Variants in CLASP2 observed in about 807,000 individuals in gnomAD.
CLASP2 encodes cytoplasmic linker associated protein 2.
Under a neutral mutation model 194.4 loss-of-function variants are expected in CLASP2, and 47 were observed. The observed-to-expected ratio is 0.24, with a 90% CI of 0.19 to 0.31. CLASP2 has a LOEUF of 0.31. Ranked by LOEUF, CLASP2 falls within the 10% of genes least tolerant of loss-of-function variation. The pLI, the probability that CLASP2 is intolerant of heterozygous loss-of-function variation, is 1.00. For synonymous variants in CLASP2, 619 were observed against 633.5 expected (o/e 0.98, Z 0.34); for missense variants, 1,445 against 1,823.6 (o/e 0.79, Z 3.78).
chr3:33,516,777 C>A (rs1398616821), intron 35 of CLASP2, among the ~76,000 whole-genome samples: 3 of 152,258 alleles, frequency 2.0e-5, no homozygotes, highest in Non-Finnish European at 4.4e-5. Flanking sequence ...CAGCCTGCGA[C>A]CTTTCATTTT....
chr3:33,602,328 A>C lies in CLASP2; in HGVS notation c.1924+624T>G, dbSNP rs184125633. ...AAAGTTTCAGATTTTGGAGCATTTC[A>C]GATTTCAGATTTTTAGATTAGGTAT... On this transcript the variant is annotated intron_variant, in intron 18 of 38. Coordinates refer to ENST00000682230, the MANE Select transcript of CLASP2 (RefSeq NM_001365631.1). The C allele has an allele frequency of 6.3e-4, 341 of 539,830 alleles. 4 individuals are homozygous for C. The highest frequency in any genetic ancestry group is 5.9e-3 in the African/African-American group (312 of 52,592). 33.4% of individuals were successfully genotyped at this position (539,830 alleles called of 1,614,324 possible). A position where few individuals can be genotyped will look rare whatever the true frequency, so the allele number is the denominator to read the frequency against.
At chr3:33,540,173 G>C (rs994596278) in intron 32 of CLASP2, among the ~76,000 whole-genome samples, 14 of 150,292 alleles carry the variant, frequency 9.3e-5, no homozygotes, top group Non-Finnish European at 1.6e-4. Context: ...CAGGTGATCT[G>C]CCCACCTTGG....
At chr3:33,577,947 G>A (rs994745447) in intron 23 of CLASP2, among the ~76,000 whole-genome samples, 5 of 152,156 alleles carry the variant, frequency 3.3e-5, no homozygotes, top group East Asian at 1.9e-4. Context: ...CCCAAACCAT[G>A]CCGAATAAAC....
intron 26 of CLASP2, among the ~76,000 whole-genome samples, chr3:33,566,977 G>C (rs1470782061): frequency 6.6e-6 from 1 of 152,108 alleles, no homozygotes; most frequent in Non-Finnish European, 1.5e-5. Context: ...TCTTTGCCAG[G>C]AAAATTAAGA....
At chr3:33,580,718 T>TA (rs1488105722) in intron 23 of CLASP2, among the ~76,000 whole-genome samples, 1 of 151,040 alleles carries the variant, frequency 6.6e-6, no homozygotes, top group African/African-American at 2.4e-5. Flanking sequence ...TACACTGTGT[T>TA]AAAGAAAAAA....
intron 8 of CLASP2, among the ~76,000 whole-genome samples, chr3:33,633,374 CAA>C (rs1336238845): frequency 2.6e-5 from 4 of 152,168 alleles, no homozygotes; most frequent in African/African-American, 9.7e-5. Flanking sequence ...TGAGTTGAGA[CAA>C]GAGAGGCTGA....
At chr3:33,608,872 C>T (rs1250505282) in intron 13 of CLASP2, among the ~76,000 whole-genome samples, 2 of 150,472 alleles carry the variant, frequency 1.3e-5, no homozygotes, top group Non-Finnish European at 2.9e-5. Context: ...CTTGTCTCGG[C>T]CTCCCAAGTA....
chr3:33,625,790 G>A (rs1219293754), intron 10 of CLASP2, among the ~76,000 whole-genome samples: 1 of 151,600 alleles, frequency 6.6e-6, no homozygotes, highest in Non-Finnish European at 1.5e-5. Context: ...TCCCATCTTA[G>A]CCTCAACAAA....
Position 33,611,880 on chromosome 3 carries a change from A to G in CLASP2, c.1388+121T>C, listed in dbSNP as rs111933575. 5,163 of 678,070 alleles carry G rather than the reference A, an allele frequency of 7.6e-3. 188 individuals carry two copies. The African/African-American group carries it at 0.083, about 11-fold the overall frequency. The allele number at this position is 678,070 out of a possible 1,614,324, so 42.0% of individuals were successfully genotyped here. On this transcript the variant is annotated intron_variant, in intron 13 of 38. Transcript: ENST00000682230. ...TATGATTAAAAAAACAAAACAAAAC[A>G]CTTTTTTATGGTTTTCTGGAAGGCA... is the stretch of plus-strand genomic sequence containing the variant.
intron 1 of CLASP2, among the ~76,000 whole-genome samples, chr3:33,705,613 G>A (rs1020278722): frequency 2.0e-5 from 3 of 152,080 alleles, no homozygotes; most frequent in African/African-American, 7.2e-5. Flanking sequence ...TATGAGCCAA[G>A]CAGTATCTCA....
chr3:33,561,949 A>C (rs952746790), intron 27 of CLASP2, among the ~76,000 whole-genome samples: 5 of 152,180 alleles, frequency 3.3e-5, no homozygotes, highest in Non-Finnish European at 5.9e-5. Context: ...AGTTAATCTC[A>C]AAAAGTAAAT....
chr3:33,514,533 C>T (rs1470044457), intron 36 of CLASP2: 11 of 165,884 alleles, frequency 6.6e-5, no homozygotes. Flanking sequence ...TTTAACCTTC[C>T]TTTTTTGATT....
chr3:33,523,617 G>C (rs2154114407), intron 34 of CLASP2, among the ~76,000 whole-genome samples: 1 of 152,286 alleles, frequency 6.6e-6, no homozygotes. Context: ...ACAGTAACTT[G>C]AAACCATATG....
intron 34 of CLASP2, among the ~76,000 whole-genome samples, chr3:33,522,395 C>G (rs1325439358): frequency 1.3e-5 from 2 of 152,082 alleles, no homozygotes; most frequent in Non-Finnish European, 2.9e-5. Flanking sequence ...CAATCAGAAC[C>G]AGAATCAACA....
intron 21 of CLASP2, among the ~76,000 whole-genome samples, chr3:33,587,971 T>G (rs922232397): frequency 1.2e-4 from 19 of 152,322 alleles, no homozygotes; most frequent in African/African-American, 4.3e-4. Flanking sequence ...CAGAATTTCT[T>G]GAAATGTGGG....
At chr3:33,639,723 A>T (rs560749577) in intron 8 of CLASP2, among the ~76,000 whole-genome samples, 1 of 152,358 alleles carries the variant, frequency 6.6e-6, no homozygotes, top group Non-Finnish European at 1.5e-5. Flanking sequence ...TCAGGGATGG[A>T]TAGTCAATGA....
At chr3:33,649,838 T>C (rs980889823) in intron 7 of CLASP2, among the ~76,000 whole-genome samples, 2 of 152,176 alleles carry the variant, frequency 1.3e-5, no homozygotes, top group South Asian at 4.1e-4. Flanking sequence ...GAGTGCTTCA[T>C]TAAGGTCAAC....
intron 3 of CLASP2, among the ~76,000 whole-genome samples, chr3:33,689,114 C>T (rs2091047978): frequency 6.6e-6 from 1 of 151,176 alleles, no homozygotes; most frequent in South Asian, 2.1e-4. Context: ...AGTCTGTATT[C>T]AGTTCTATTA....
In CLASP2 at chr3:33,628,981, A is replaced by G. The variant is rs1189274224; in HGVS notation, c.943-1901T>C. On this transcript the variant is annotated intron_variant, in intron 9 of 38. Transcript: ENST00000682230. ...AAACAACAAAACAGTGACTATAGTC[A>G]ACAGTGCTAAATACTGGTAGAAGAA... Among the ~76,000 whole-genome samples, 3 of 152,280 alleles carry G rather than the reference A, an allele frequency of 2.0e-5. 1 individual carries two copies. Among genetic ancestry groups the G allele is most frequent in the Middle Eastern group, 6.8e-3 (2 of 294 alleles).
Sources: gnomAD v4.1 joint callset for allele counts (sites outside exome capture counted in the v4.1 genomes callset) on GRCh38, gnomAD v4.1.1 for gene constraint, MANE v1.5 for transcripts, NCBI Gene and HGNC (gene_info 2026-07-23, HGNC 2026-07-21) for gene names.